The following SRL variants were observed in gnomAD, a reference collection of about 807,000 sequenced individuals.
SRL encodes the protein sarcalumenin.
Under a neutral mutation model 39.5 loss-of-function variants are expected in SRL, and 23 were observed. The ratio of observed to expected loss-of-function variants is 0.58; its 90% CI spans 0.42 to 0.82. The LOEUF (loss-of-function observed/expected upper bound fraction) is 0.82, where lower values mean the gene tolerates loss of function less well. Ranked by LOEUF, SRL falls within the 40% of genes least tolerant of loss-of-function variation. SRL has a pLI of 0.00. For missense variants in SRL, 592 were observed against 607.8 expected, an observed-to-expected ratio of 0.97 and a Z score of 0.27; for synonymous variants, 272 against 237.4, an observed-to-expected ratio of 1.15 and a Z score of -1.34.
intron 1 of SRL, among the ~76,000 whole-genome samples, chr16:4,219,621 G>A (rs2052498573): frequency 6.6e-6 from 1 of 152,008 alleles, no homozygotes; most frequent in African/African-American, 2.4e-5. Flanking sequence ...CCATGCCTAG[G>A]TAATATTTTT....
intron 1 of SRL, among the ~76,000 whole-genome samples, chr16:4,225,567 G>T (rs2052578180): frequency 6.6e-6 from 1 of 152,192 alleles, no homozygotes; most frequent in African/African-American, 2.4e-5. Context: ...CGGGGTGACA[G>T]AGTGAGACCC....
In SRL at chr16:4,190,762, C is replaced by T. The variant is rs528596516; in HGVS notation, c.*1391G>A. 8 of 313,600 alleles carry T rather than the reference C, an allele frequency of 2.6e-5. No homozygotes were observed. The East Asian group carries it at 3.0e-4, about 12-fold the overall frequency. 19.4% of individuals were successfully genotyped at this position (313,600 alleles called of 1,614,324 possible). ...GTCAATGTTAAGCCTTGGTGGCCAC[C>T]GACACCGAGTGGCTGGTGCTGGTTC... On this transcript the variant is annotated 3_prime_UTR_variant, in exon 6 of 6. Coordinates refer to ENST00000399609, the MANE Select transcript of SRL (RefSeq NM_001098814.2).
At chr16:4,207,754 T>C (rs2052341969) in intron 1 of SRL, 2 of 435,012 alleles carry the variant, frequency 4.6e-6, no homozygotes, top group South Asian at 1.6e-5. Context: ...ACAGGCCCCT[T>C]GGCCCCTCCT....
chr16:4,224,889 A>T (rs1597290460), intron 1 of SRL, among the ~76,000 whole-genome samples: 1 of 152,212 alleles, frequency 6.6e-6, no homozygotes, highest in Non-Finnish European at 1.5e-5. Flanking sequence ...GTCTATCCAC[A>T]CAATGCAATA....
chr16:4,206,146 G>A (rs999301812), intron 1 of SRL, among the ~76,000 whole-genome samples: 10 of 152,086 alleles, frequency 6.6e-5, no homozygotes, highest in African/African-American at 9.7e-5. Flanking sequence ...AGCTTAGCCC[G>A]GCCCTTCCCC....
intron 1 of SRL, among the ~76,000 whole-genome samples, chr16:4,211,798 C>T (rs1567181669): frequency 6.8e-6 from 1 of 147,776 alleles, no homozygotes. Context: ...TGATGAGGAT[C>T]GTGATGATGA....
chr16:4,231,897 C>G (rs1476196258), intron 1 of SRL, among the ~76,000 whole-genome samples: 1 of 152,166 alleles, frequency 6.6e-6, no homozygotes, highest in East Asian at 1.9e-4. Flanking sequence ...CATCCGATAG[C>G]CATTTTCTTA....
chr16:4,193,977 T>G (rs1302559514), intron 5 of SRL, among the ~76,000 whole-genome samples: 3 of 151,308 alleles, frequency 2.0e-5, no homozygotes, highest in African/African-American at 7.3e-5. Context: ...ACTAATATTA[T>G]TAATTGCTTC....
At chr16:4,226,195 C>T (rs2052586222) in intron 1 of SRL, among the ~76,000 whole-genome samples, 1 of 152,320 alleles carries the variant, frequency 6.6e-6, no homozygotes, top group East Asian at 1.9e-4. Flanking sequence ...CATCTACCAC[C>T]TTCTAATAAT....
intron 1 of SRL, among the ~76,000 whole-genome samples, chr16:4,217,741 T>G (rs2052476417): frequency 2.0e-5 from 3 of 152,248 alleles, no homozygotes; most frequent in Non-Finnish European, 4.4e-5. Flanking sequence ...TCAATAAATG[T>G]CAGCTATGAG....
Position 4,192,744 on chromosome 16 carries a change from G to T in SRL, c.831C>A (p.Ala277=). The change falls in exon 6 of 6, where the codon GCC becomes GCA. Residue 277 remains alanine (A), a synonymous_variant. Transcript: ENST00000399609. The surrounding 1 kb of genome is among the most constrained non-coding windows in gnomAD (Gnocchi z 4.0). ...RVYGALFWSL[A]PLINVTEPPR... is the part of the protein sequence containing the mutation. The stretch of plus-strand genomic sequence containing the variant: ...GGGGCTCTGTGACATTGATGAGAGG[G>T]GCCAAGCTCCAGAAGAGGGCCCCGT... The T allele has an allele frequency of 6.2e-7, 1 of 1,614,134 alleles. No homozygotes were observed.
chr16:4,208,682 G>A (rs2052356434), intron 1 of SRL, among the ~76,000 whole-genome samples: 1 of 152,212 alleles, frequency 6.6e-6, no homozygotes, highest in South Asian at 2.1e-4. Flanking sequence ...CGGTGCTTAA[G>A]GGATTACTTG....
At chr16:4,211,366 C>T (rs2052389896) in intron 1 of SRL, among the ~76,000 whole-genome samples, 1 of 152,208 alleles carries the variant, frequency 6.6e-6, no homozygotes, top group African/African-American at 2.4e-5. Context: ...GTAGTTAAGG[C>T]TTCTCCTCTG....
chr16:4,192,772 AC>A lies in SRL; in HGVS notation c.802del (p.Val268PhefsTer48). 6.2e-7 allele frequency: 1 copy of A among 1,614,090 alleles called. No individual in the cohort carries two copies. The highest frequency in any genetic ancestry group is 8.5e-7 in the Non-Finnish European group (1 of 1,180,026). On this transcript the variant is annotated frameshift_variant, in exon 6 of 6. Transcript: ENST00000399609. LOFTEE classifies it high-confidence loss of function. The surrounding 1 kb of genome is among the most constrained non-coding windows in gnomAD (Gnocchi z 4.0). ...DNLATQMLMRVYGALFWSLAP... is the reference protein window; with the variant it reads ...DNLATQMLMRXYGALFWSLAP... ...CAAGCTCCAGAAGAGGGCCCCGTAA[AC>A]CCGCATGAGCATTTGGGTGGCCAGA... is the stretch of plus-strand genomic sequence containing the variant.
intron 5 of SRL, 36 bp downstream of exon 5, chr16:4,195,517 A>C: frequency 2.5e-6 from 4 of 1,589,212 alleles, no homozygotes; most frequent in Non-Finnish European, 3.4e-6. Context: ...TTTTTGAAAC[A>C]GAGCTTACAC....
In SRL at chr16:4,241,790, C is replaced by A. The variant is rs577297828; in HGVS notation, c.61+217G>T. ...TGTTTGCCGTTCCCACTTCCTCTGGCCTTCCTGAGGGCCCCGCAACTGTGC... is the reference window on the plus strand; with the variant it reads ...TGTTTGCCGTTCCCACTTCCTCTGGACTTCCTGAGGGCCCCGCAACTGTGC... On this transcript the variant is annotated intron_variant, in intron 1 of 5. Coordinates refer to ENST00000399609, the MANE Select transcript of SRL (RefSeq NM_001098814.2). 1.4e-4 allele frequency among the ~76,000 whole-genome samples: 21 copies of A among 152,346 alleles called. No individual in the cohort carries two copies. In the South Asian group the frequency reaches 4.4e-3, roughly 32 times the overall value.
chr16:4,209,073 G>C (rs575814630), intron 1 of SRL, among the ~76,000 whole-genome samples: 1 of 152,294 alleles, frequency 6.6e-6, no homozygotes, highest in African/African-American at 2.4e-5. Context: ...GGGAGTTTGA[G>C]ACCAGCCTGG....
chr16:4,218,093 A>G (rs2052481490), intron 1 of SRL, among the ~76,000 whole-genome samples: 1 of 151,992 alleles, frequency 6.6e-6, no homozygotes, highest in East Asian at 1.9e-4. Context: ...GCTGATCCCA[A>G]AGTTAACCCC....
chr16:4,219,341 G>T (rs763856331), intron 1 of SRL, among the ~76,000 whole-genome samples: 12 of 152,242 alleles, frequency 7.9e-5, no homozygotes, highest in Non-Finnish European at 1.8e-4. Context: ...GTCCCTGGGA[G>T]CTGGGGCCCC....
Sources: allele counts gnomAD v4.1 joint callset (sites outside exome capture counted in the v4.1 genomes callset), GRCh38; gene constraint gnomAD v4.1.1; non-coding constraint Gnocchi (gnomAD v3.1); transcripts MANE v1.5; gene names NCBI Gene and HGNC (gene_info 2026-07-23, HGNC 2026-07-21).